The following ALK variants were observed in gnomAD, a reference collection of about 807,000 sequenced individuals.
ALK encodes ALK tyrosine kinase receptor.
ALK carries 74 observed loss-of-function variants against 163.1 expected under a neutral mutation model. That is an observed-to-expected ratio of 0.45 (90% CI 0.38 to 0.55). The LOEUF (loss-of-function observed/expected upper bound fraction) is 0.55, where lower values mean the gene tolerates loss of function less well. Among genes scored for constraint, ALK ranks in the 20% least tolerant of loss-of-function variants. ALK has a pLI of 0.00. For missense variants in ALK, 2,063 were observed against 2,105.3 expected, an observed-to-expected ratio of 0.98 and a Z score of 0.39; for synonymous variants, 960 against 843.2, an observed-to-expected ratio of 1.14 and a Z score of -2.40.
chr2:29,261,846 G>A (rs1665096659), intron 11 of ALK, among the ~76,000 whole-genome samples: 1 of 152,198 alleles, frequency 6.6e-6, no homozygotes, highest in Non-Finnish European at 1.5e-5. Flanking sequence ...GTGAGGGCAT[G>A]AGAGTGGCCC....
chr2:29,220,783 G>C lies in ALK; in HGVS notation c.3568C>G (p.Leu1190Val), dbSNP rs747661585. 1 of 1,614,140 alleles carries C rather than the reference G, an allele frequency of 6.2e-7. No homozygotes were observed. The highest frequency in any genetic ancestry group is 1.1e-5 in the South Asian group (1 of 91,070). Residue 1190 changes from leucine (L) to valine (V), a missense_variant, in exon 23 of 29, where the codon CTG (leucine) becomes GTG (valine). By Grantham distance (32) the Leu-to-Val change is conservative. Transcript: ENST00000389048. ...AGCTCCAGCAGGATGAACCGGGGCAGGGATTGCAGGCTCACCCCAATGCAG... is the reference window on the plus strand; with the variant it reads ...AGCTCCAGCAGGATGAACCGGGGCACGGATTGCAGGCTCACCCCAATGCAG... ...VRCIGVSLQS[L>V]PRFILLELMA...
At position 29,549,914 on chromosome 2, in the gene ALK, C is replaced by T. The variant is rs78670933; in HGVS notation, c.953-17798G>A. ...AGAAAATCCAAAAGGACATTTTTGG[C>T]TCATATTGTATTTCTATTAGCACTA... On this transcript the variant is annotated intron_variant, in intron 3 of 28. Coordinates refer to ENST00000389048, the MANE Select transcript of ALK (RefSeq NM_004304.5). 6.8e-3 allele frequency among the ~76,000 whole-genome samples: 1,041 copies of T among 152,202 alleles called. 10 individuals are homozygous for T. The highest frequency in any genetic ancestry group is 0.023 in the African/African-American group (945 of 41,546).
At chr2:29,500,548 C>A (rs116830722) in intron 4 of ALK, among the ~76,000 whole-genome samples, 2 of 152,126 alleles carry the variant, frequency 1.3e-5, no homozygotes, top group Non-Finnish European at 2.9e-5. Flanking sequence ...TTTCTTCTAC[C>A]TGGTCTAGCC....
chr2:29,898,768 G>C (rs188578394), intron 1 of ALK, among the ~76,000 whole-genome samples: 107 of 152,270 alleles, frequency 7.0e-4, no homozygotes, highest in African/African-American at 2.5e-3. Context: ...TGTTCAGAAA[G>C]AGAGAAGCTT....
intron 1 of ALK, among the ~76,000 whole-genome samples, chr2:29,797,837 C>T (rs1664360566): frequency 6.6e-6 from 1 of 151,760 alleles, no homozygotes; most frequent in Non-Finnish European, 1.5e-5. Flanking sequence ...TTCACCAAAG[C>T]ACTATACCTG....
chr2:29,758,984 G>A (rs1367899732), intron 1 of ALK, among the ~76,000 whole-genome samples: 1 of 151,368 alleles, frequency 6.6e-6, no homozygotes, highest in Non-Finnish European at 1.5e-5. Flanking sequence ...TTTTTTTTCT[G>A]CAATCCACAA....
At chr2:29,606,894 A>G (rs7594717) in intron 3 of ALK, among the ~76,000 whole-genome samples, 39,702 of 152,166 alleles carry the variant, frequency 0.26, 6,232 homozygotes, top group South Asian at 0.46. Context: ...GTGGTGGGAA[A>G]AATCCTCACA....
chr2:29,874,070 C>G (rs1666642951), intron 1 of ALK, among the ~76,000 whole-genome samples: 1 of 152,148 alleles, frequency 6.6e-6, no homozygotes, highest in South Asian at 2.1e-4. Flanking sequence ...ATCAAAGCAC[C>G]CATTAACTAC....
Position 29,227,056 on chromosome 2 carries a change from TC to T in ALK, c.2932del (p.Glu978LysfsTer2). The stretch of plus-strand genomic sequence containing the variant: ...GTTTAGATAATGCTTAATATTCACT[TC>T]CCCGTGGCCTTCCATCACTAGTGAC... ...PALKVMEGHG[E>X]VNIKHYLNCS... is the part of the protein sequence containing the mutation. On this transcript the variant is annotated frameshift_variant, in exon 18 of 29. Transcript: ENST00000389048. LOFTEE classifies it high-confidence loss of function. The surrounding 1 kb of genome is among the most constrained non-coding windows in gnomAD (Gnocchi z 4.4). 1 of 1,614,084 alleles carries T rather than the reference TC, an allele frequency of 6.2e-7. No individual in the cohort carries two copies. The highest frequency in any genetic ancestry group is 8.5e-7 in the Non-Finnish European group (1 of 1,180,028).
chr2:29,818,460 AGCCCG>A (rs1264474788), intron 1 of ALK, among the ~76,000 whole-genome samples: 8 of 152,390 alleles, frequency 5.2e-5, no homozygotes, highest in Admixed American at 5.2e-4. Context: ...CGTTAGAGGA[AGCCCG>A]GCCCGGCGCG....
intron 26 of ALK, among the ~76,000 whole-genome samples, chr2:29,203,556 A>C (rs1308677101): frequency 2.6e-5 from 3 of 116,772 alleles, no homozygotes; most frequent in Non-Finnish European, 4.8e-5. Flanking sequence ...CAGTAATCTC[A>C]ACTCACTGCA....
chr2:29,320,209 G>A (rs1252872417), intron 7 of ALK, among the ~76,000 whole-genome samples: 1 of 152,242 alleles, frequency 6.6e-6, no homozygotes, highest in East Asian at 1.9e-4. Flanking sequence ...AGGGTTTGTG[G>A]GGAGGATGGA....
chr2:29,766,373 C>G (rs1184908727), intron 1 of ALK, among the ~76,000 whole-genome samples: 3 of 152,162 alleles, frequency 2.0e-5, no homozygotes, highest in African/African-American at 7.2e-5. Flanking sequence ...TCTTACACAG[C>G]ATAGCTCCTT....
intron 3 of ALK, among the ~76,000 whole-genome samples, chr2:29,538,827 A>G (rs1464384811): frequency 6.6e-6 from 1 of 152,186 alleles, no homozygotes; most frequent in Non-Finnish European, 1.5e-5. Context: ...AACTTTAGAC[A>G]TGGATAGGAC....
chr2:29,594,238 C>G (rs1675139109), intron 3 of ALK, among the ~76,000 whole-genome samples: 1 of 152,008 alleles, frequency 6.6e-6, no homozygotes, highest in East Asian at 1.9e-4. Flanking sequence ...TTACTAGTAT[C>G]TATGTTTTTG....
intron 11 of ALK, among the ~76,000 whole-genome samples, chr2:29,263,617 G>A (rs1004356051): frequency 6.6e-6 from 1 of 152,138 alleles, no homozygotes; most frequent in South Asian, 2.1e-4. Context: ...ACTAGACCAA[G>A]AAGAGAAGGC....
rs1674120854 is a variant in ALK at position 29,564,477 on chromosome 2, CCTAG to C, written c.953-32365_953-32362del. On this transcript the variant is annotated intron_variant, in intron 3 of 28. Transcript: ENST00000389048. ...CACCCTTGTAAGAGAAGACTCTCTT[CCTAG>C]CTATTTTGAGACCTTGTGGCAAAAC... 2.0e-5 allele frequency among the ~76,000 whole-genome samples: 3 copies of C among 150,548 alleles called. No homozygotes were observed. In the South Asian group the frequency reaches 6.4e-4, roughly 32 times the overall value.
intron 25 of ALK, 76 bp downstream of exon 25, chr2:29,209,710 C>A (rs1395519222): frequency 1.9e-6 from 2 of 1,071,910 alleles, no homozygotes; most frequent in Non-Finnish European, 1.4e-6. Flanking sequence ...ATGTAAGGGA[C>A]AAGCAGCCAC....
At chr2:29,232,190 C>G in intron 15 of ALK, 114 bp downstream of exon 15, 1 of 1,430,624 alleles carries the variant, frequency 7.0e-7, no homozygotes, top group Non-Finnish European at 9.8e-7. Context: ...ATATTCAGAG[C>G]TCCTAGCATC....
Sources: allele counts gnomAD v4.1 joint callset (sites outside exome capture counted in the v4.1 genomes callset), GRCh38; gene constraint gnomAD v4.1.1; non-coding constraint Gnocchi (gnomAD v3.1); transcripts MANE v1.5; gene names NCBI Gene and HGNC (gene_info 2026-07-23, HGNC 2026-07-21).